Variants in NCOA7 observed in about 807,000 individuals in gnomAD.
NCOA7 encodes the protein nuclear receptor coactivator 7, also known as 140 kDa estrogen receptor-associated protein.
In NCOA7, 45 loss-of-function variants were observed where a neutral mutation model predicts 104.3. The ratio of observed to expected loss-of-function variants is 0.43; its 90% CI spans 0.34 to 0.55. The LOEUF (loss-of-function observed/expected upper bound fraction) is 0.55. Among genes scored for constraint, NCOA7 ranks in the 20% least tolerant of loss-of-function variants. The pLI, the probability that NCOA7 is intolerant of heterozygous loss-of-function variation, is 0.02. For synonymous variants in NCOA7, 398 were observed against 402.3 expected, an observed-to-expected ratio of 0.99 and a Z score of 0.13; for missense variants, 1,041 against 1,119.7, an observed-to-expected ratio of 0.93 and a Z score of 1.00.
At chr6:125,854,368 A>G (rs1423851478) in intron 2 of NCOA7, among the ~76,000 whole-genome samples, 1 of 152,238 alleles carries the variant, frequency 6.6e-6, no homozygotes, top group East Asian at 1.9e-4. Flanking sequence ...GGAGTAAAGA[A>G]TTTGTAACAT....
intron 2 of NCOA7, among the ~76,000 whole-genome samples, chr6:125,830,827 AT>A (rs1420268702): frequency 6.6e-6 from 1 of 151,430 alleles, no homozygotes; most frequent in Non-Finnish European, 1.5e-5. Context: ...TAAACACCAC[AT>A]TTCATTATTT....
At chr6:125,919,435 T>A (rs574604869) in intron 11 of NCOA7, 16 of 1,612,472 alleles carry the variant, frequency 9.9e-6, no homozygotes, top group African/African-American at 1.3e-5. Context: ...TGTGAAGGTA[T>A]GTTGGAGTGC....
chr6:125,851,535 T>C (rs1245798158), intron 2 of NCOA7, among the ~76,000 whole-genome samples: 3 of 152,244 alleles, frequency 2.0e-5, no homozygotes. Context: ...TTCTTTGCAA[T>C]TGTGAATTGT....
At chr6:125,878,062 A>G (rs1197429994) in intron 4 of NCOA7, among the ~76,000 whole-genome samples, 1 of 152,200 alleles carries the variant, frequency 6.6e-6, no homozygotes, top group Non-Finnish European at 1.5e-5. Context: ...AAAATGAGGA[A>G]GCCCAGAAAT....
intron 1 of NCOA7, among the ~76,000 whole-genome samples, chr6:125,800,769 G>A (rs958475483): frequency 6.6e-6 from 1 of 152,218 alleles, no homozygotes; most frequent in African/African-American, 2.4e-5. Context: ...GCTCACGCCT[G>A]TAATTCCAAC....
intron 10 of NCOA7, among the ~76,000 whole-genome samples, chr6:125,895,465 G>GA (rs947850162): frequency 2.0e-5 from 3 of 152,080 alleles, no homozygotes; most frequent in East Asian, 1.9e-4. Context: ...AGGAGATGGG[G>GA]AAAAAATCTA....
At chr6:125,860,389 C>T (rs765674623) in intron 3 of NCOA7, among the ~76,000 whole-genome samples, 72 of 152,160 alleles carry the variant, frequency 4.7e-4, no homozygotes, top group Non-Finnish European at 1.0e-3. Context: ...GCTCTGTTGC[C>T]CAGGCTAGAG....
At position 125,928,796 on chromosome 6, in the gene NCOA7, C is replaced by T; in HGVS notation, c.*25C>T. On this transcript the variant is annotated 3_prime_UTR_variant, in exon 16 of 16. Transcript: ENST00000392477. ...AAATTCAGACTGCCTTAAAATATAA[C>T]ATTAAAAAGACTGGGTTCGATCAGC... is the stretch of plus-strand genomic sequence containing the variant. The T allele has an allele frequency of 1.2e-6, 2 of 1,602,006 alleles. No individual in the cohort carries two copies. The highest frequency in any genetic ancestry group is 1.7e-6 in the Non-Finnish European group (2 of 1,175,964).
intron 1 of NCOA7, among the ~76,000 whole-genome samples, chr6:125,812,943 T>G (rs1777183073): frequency 6.6e-6 from 1 of 152,198 alleles, no homozygotes; most frequent in Non-Finnish European, 1.5e-5. Flanking sequence ...CCATCCCTCC[T>G]CTTTCTATGT....
At chr6:125,810,753 G>C (rs1776922719) in intron 1 of NCOA7, among the ~76,000 whole-genome samples, 1 of 152,114 alleles carries the variant, frequency 6.6e-6, no homozygotes, top group Non-Finnish European at 1.5e-5. Context: ...TAATCTGTTG[G>C]TGTGTCTAAA....
At chr6:125,836,766 A>T (rs1032948511) in intron 2 of NCOA7, among the ~76,000 whole-genome samples, 2 of 152,202 alleles carry the variant, frequency 1.3e-5, no homozygotes, top group African/African-American at 4.8e-5. Context: ...TCTATGAGAA[A>T]TTACCTTGCC....
chr6:125,866,473 G>A (rs1782451354), intron 3 of NCOA7, among the ~76,000 whole-genome samples: 1 of 152,032 alleles, frequency 6.6e-6, no homozygotes, highest in African/African-American at 2.4e-5. Flanking sequence ...AATCCTTAAA[G>A]TCCCTTGAAC....
chr6:125,851,834 C>T (rs1781157241), intron 2 of NCOA7, among the ~76,000 whole-genome samples: 1 of 151,644 alleles, frequency 6.6e-6, no homozygotes, highest in Non-Finnish European at 1.5e-5. Context: ...TTGTATCTCC[C>T]CGATGATTCG....
intron 2 of NCOA7, among the ~76,000 whole-genome samples, chr6:125,825,781 T>A (rs748995700): frequency 9.2e-5 from 14 of 152,188 alleles, no homozygotes; most frequent in Non-Finnish European, 1.6e-4. Flanking sequence ...GTTCTTCTAC[T>A]ATGCCAAGTC....
At chr6:125,807,742 A>T (rs1193698937) in intron 1 of NCOA7, among the ~76,000 whole-genome samples, 3 of 152,172 alleles carry the variant, frequency 2.0e-5, no homozygotes, top group Non-Finnish European at 4.4e-5. Context: ...GTCAGTGGGA[A>T]ATATACTCAT....
chr6:125,854,105 T>C (rs1257526969), intron 2 of NCOA7, among the ~76,000 whole-genome samples: 2 of 152,212 alleles, frequency 1.3e-5, no homozygotes, highest in Non-Finnish European at 2.9e-5. Context: ...CTAGATACTT[T>C]CTATCTAGGC....
At chr6:125,847,469 A>T (rs1211959141) in intron 2 of NCOA7, among the ~76,000 whole-genome samples, 1 of 152,228 alleles carries the variant, frequency 6.6e-6, no homozygotes, top group Non-Finnish European at 1.5e-5. Context: ...CGTCTTTTTC[A>T]AAAGTGTGCA....
At position 125,865,130 on chromosome 6, in the gene NCOA7, A is replaced by G. The variant is rs1006012477; in HGVS notation, c.272-9759A>G. 2.2e-5 allele frequency among the ~76,000 whole-genome samples: 3 copies of G among 138,304 alleles called. 1 individual carries two copies. Among genetic ancestry groups the G allele is most frequent in the Non-Finnish European group, 4.6e-5 (3 of 64,932 alleles). 90.7% of individuals were successfully genotyped at this position (138,304 alleles called of 152,430 possible). A position where few individuals can be genotyped will look rare whatever the true frequency, so the allele number is the denominator to read the frequency against. Reference sequence around the variant, plus strand: ...AAAATGTAGCCTATTTTACAAACGTAAAAACTGAGAAGCTGAGTAACTGGC... The same window carrying G: ...AAAATGTAGCCTATTTTACAAACGTGAAAACTGAGAAGCTGAGTAACTGGC... On this transcript the variant is annotated intron_variant, in intron 3 of 15. Coordinates refer to ENST00000392477, the MANE Select transcript of NCOA7 (RefSeq NM_181782.5).
chr6:125,834,091 A>G (rs34725880), intron 2 of NCOA7, among the ~76,000 whole-genome samples: 45,638 of 151,890 alleles, frequency 0.3, 8,142 homozygotes, highest in East Asian at 0.48. Flanking sequence ...TTTAAAAATA[A>G]GATGTACTTT....
Sources: gnomAD v4.1 joint callset for allele counts (sites outside exome capture counted in the v4.1 genomes callset) on GRCh38, gnomAD v4.1.1 for gene constraint, MANE v1.5 for transcripts, NCBI Gene and HGNC (gene_info 2026-07-23, HGNC 2026-07-21) for gene names.